SUCO: variants seen among roughly 807,000 people sequenced by gnomAD.
SUCO encodes SUN domain containing ossification factor, also known as SUN domain-containing ossification factor.
SUCO carries 57 observed loss-of-function variants against 148.1 expected under a neutral mutation model. The ratio of observed to expected loss-of-function variants is 0.38; its 90% CI spans 0.31 to 0.48. The LOEUF (loss-of-function observed/expected upper bound fraction) is 0.48. SUCO is among the 20% of genes least tolerant of loss of function. The pLI is 0.96. For missense variants in SUCO, 1,331 were observed against 1,468.2 expected, an observed-to-expected ratio of 0.91 and a Z score of 1.53; for synonymous variants, 470 against 502.7, an observed-to-expected ratio of 0.93 and a Z score of 0.87.
chr1:172,566,399 T>C (rs1654553984), intron 6 of SUCO, among the ~76,000 whole-genome samples: 1 of 152,222 alleles, frequency 6.6e-6, no homozygotes, highest in African/African-American at 2.4e-5. Context: ...CTCCAGTCAC[T>C]GCCATCTCTG....
At chr1:172,589,994 G>A in intron 18 of SUCO, 68 bp downstream of exon 18, 1 of 1,251,176 alleles carries the variant, frequency 8.0e-7, no homozygotes, top group Non-Finnish European at 1.1e-6. Context: ...AGTATGACCT[G>A]TGATTACAGG....
chr1:172,561,686 A>C (rs1046962978), intron 6 of SUCO, among the ~76,000 whole-genome samples: 1 of 152,118 alleles, frequency 6.6e-6, no homozygotes, highest in Admixed American at 6.6e-5. Flanking sequence ...CCAGTGCTCA[A>C]AAGGGTTCAA....
At chr1:172,559,663 A>G (rs1053199385) in intron 6 of SUCO, among the ~76,000 whole-genome samples, 1 of 152,216 alleles carries the variant, frequency 6.6e-6, no homozygotes, top group African/African-American at 2.4e-5. Flanking sequence ...TTTTAATTAT[A>G]TGCAAATTAA....
At chr1:172,570,314 A>G (rs1254892566) in intron 8 of SUCO, 143 bp downstream of exon 8, 24 of 505,094 alleles carry the variant, frequency 4.8e-5, no homozygotes, top group South Asian at 2.5e-4. Context: ...TTTTCAAAAC[A>G]TTATCTTGTA....
chr1:172,601,207 A>G (rs1353540939), intron 20 of SUCO, among the ~76,000 whole-genome samples: 1 of 152,208 alleles, frequency 6.6e-6, no homozygotes, highest in Admixed American at 6.5e-5. Flanking sequence ...AGGTAATTGC[A>G]GGCCAGGCAT....
chr1:172,610,076 G>C lies in SUCO; in HGVS notation c.3582G>C (p.Lys1194Asn). 1 of 1,613,774 alleles carries C rather than the reference G, an allele frequency of 6.2e-7. No homozygotes were observed. The highest frequency in any genetic ancestry group is 8.5e-7 in the Non-Finnish European group (1 of 1,179,832). ...GTCTGTGCAATGGACAGTCTCAAAA[G>C]ACAAAAACTGAGAAGAGGGCTTTAA... is the stretch of plus-strand genomic sequence containing the variant. ...CTSLCNGQSQ[K>N]TKTEKRALKR... is the part of the protein sequence containing the mutation. The change falls in exon 24 of 24, where the codon AAG (lysine) becomes AAC (asparagine). Residue 1194 changes from lysine to asparagine, a missense_variant. Around this residue, in one of 3 missense-constraint regions of SUCO, gnomAD observed 334 missense variants for 352.3 expected, o/e 0.95. Coordinates refer to ENST00000263688, the MANE Select transcript of SUCO (RefSeq NM_014283.5).
intron 1 of SUCO, among the ~76,000 whole-genome samples, chr1:172,534,696 T>C (rs1033250052): frequency 6.6e-6 from 1 of 152,222 alleles, no homozygotes. Flanking sequence ...ACTTACTGTG[T>C]TGGGTACGGA....
intron 1 of SUCO, among the ~76,000 whole-genome samples, chr1:172,541,159 C>T (rs1177876754): frequency 6.6e-6 from 1 of 152,004 alleles, no homozygotes; most frequent in Non-Finnish European, 1.5e-5. Context: ...TGTATAACAG[C>T]TATTTACATA....
At chr1:172,568,533 G>A (rs1654720322) in intron 6 of SUCO, 2 of 786,752 alleles carry the variant, frequency 2.5e-6, no homozygotes, top group Non-Finnish European at 3.1e-6. Context: ...AAAATGTAAA[G>A]TTTTGTTTTT....
upstream of SUCO, chr1:172,532,801 G>C (rs553352623): frequency 6.2e-7 from 1 of 1,606,452 alleles, no homozygotes; most frequent in Non-Finnish European, 8.5e-7. Flanking sequence ...GACGAAGGGC[G>C]GTCCACTGTA....
chr1:172,564,279 C>T (rs781567359), intron 6 of SUCO, among the ~76,000 whole-genome samples: 4 of 152,214 alleles, frequency 2.6e-5, no homozygotes, highest in Non-Finnish European at 2.9e-5. Context: ...TCCTCCAGAC[C>T]CCAGAATGTT....
chr1:172,572,983 T>C (rs1179366587), intron 9 of SUCO, among the ~76,000 whole-genome samples: 1 of 152,136 alleles, frequency 6.6e-6, no homozygotes, highest in Non-Finnish European at 1.5e-5. Flanking sequence ...AGCAGCAATA[T>C]TTTTGGCATC....
intron 22 of SUCO, among the ~76,000 whole-genome samples, chr1:172,606,188 A>G (rs1657853244): frequency 1.3e-5 from 2 of 151,614 alleles, no homozygotes; most frequent in Non-Finnish European, 1.5e-5. Flanking sequence ...TTTTGCATCT[A>G]TATGAATAAG....
At chr1:172,568,305 TCC>T in intron 6 of SUCO, 1 of 905,996 alleles carries the variant, frequency 1.1e-6, no homozygotes, top group Non-Finnish European at 1.3e-6. Flanking sequence ...ATTCTTTGCT[TCC>T]CACCCACCCC....
At chr1:172,602,913 T>C (rs1657626101) in intron 22 of SUCO, 126 bp downstream of exon 22, 1 of 785,004 alleles carries the variant, frequency 1.3e-6, no homozygotes, top group African/African-American at 1.8e-5. Flanking sequence ...CCTTTGTCTT[T>C]GTGCTGTGTC....
intron 22 of SUCO, among the ~76,000 whole-genome samples, chr1:172,603,874 T>C (rs566086797): frequency 1.3e-5 from 2 of 151,984 alleles, no homozygotes; most frequent in East Asian, 3.9e-4. Context: ...AGTATTCCAT[T>C]ATATAGGTAT....
At position 172,590,419 on chromosome 1, in the gene SUCO, A is replaced by G. The variant is rs191715275; in HGVS notation, c.2825+493A>G. ...GTCTCGGCATCCTAGTTCTAGTTGT[A>G]ATAATTTCTGCTTTTAAGTGCCAGA... On this transcript the variant is annotated intron_variant, in intron 18 of 23. Coordinates refer to ENST00000263688, the MANE Select transcript of SUCO (RefSeq NM_014283.5). The G allele has an allele frequency of 1.2e-5, 11 of 952,430 alleles. No individual in the cohort carries two copies. In the East Asian group the frequency reaches 1.3e-3, roughly 110 times the overall value. 59.0% of individuals were successfully genotyped at this position (952,430 alleles called of 1,614,324 possible). A position where few individuals can be genotyped will look rare whatever the true frequency, so the allele number is the denominator to read the frequency against.
intron 8 of SUCO, 155 bp downstream of exon 8, chr1:172,570,326 G>T: frequency 2.0e-6 from 1 of 503,298 alleles, no homozygotes; most frequent in South Asian, 4.7e-5. Context: ...TATCTTGTAT[G>T]AATTCTTACT....
intron 9 of SUCO, 58 bp downstream of exon 9, chr1:172,570,788 G>A (rs1186950471): frequency 5.8e-6 from 6 of 1,031,190 alleles, no homozygotes; most frequent in Non-Finnish European, 6.0e-6. Context: ...ATTATGTTAA[G>A]CTTTTACATT....
Sources: gnomAD v4.1 joint callset for allele counts (sites outside exome capture counted in the v4.1 genomes callset) on GRCh38, gnomAD v4.1.1 for gene constraint, gnomAD v4.1.1 regional missense constraint, MANE v1.5 for transcripts, NCBI Gene and HGNC (gene_info 2026-07-23, HGNC 2026-07-21) for gene names.